The following IQCM variants were observed in gnomAD, a reference collection of about 807,000 sequenced individuals.
The protein encoded by IQCM is IQ domain-containing protein M.
Under a neutral mutation model 57.6 loss-of-function variants are expected in IQCM, and 45 were observed. The ratio of observed to expected loss-of-function variants is 0.78; its 90% confidence interval spans 0.62 to 1.00. IQCM has a LOEUF of 1.00. Ranked by LOEUF, IQCM falls within the 50% of genes least tolerant of loss-of-function variation. IQCM has a pLI of 0.00. For missense variants in IQCM, 468 were observed against 511.6 expected (o/e 0.91, Z 0.82); for synonymous variants, 148 against 158.9 (o/e 0.93, Z 0.51).
chr4:149,602,681 T>C (rs1365316157), intron 8 of IQCM, among the ~76,000 whole-genome samples: 1 of 152,098 alleles, frequency 6.6e-6, no homozygotes, highest in Non-Finnish European at 1.5e-5. Flanking sequence ...AAATTATTCA[T>C]GAAATAATGT....
chr4:149,597,242 G>C (rs1753860575), intron 8 of IQCM, among the ~76,000 whole-genome samples: 1 of 151,484 alleles, frequency 6.6e-6, no homozygotes, highest in Admixed American at 6.6e-5. Context: ...AAACTATGAG[G>C]GATAAAAAAA....
chr4:149,457,802 C>T (rs560654811), intron 12 of IQCM, among the ~76,000 whole-genome samples: 17 of 152,062 alleles, frequency 1.1e-4, no homozygotes, highest in African/African-American at 2.4e-4. Context: ...ATAGCAATCA[C>T]GCTCCCTTTT....
At chr4:149,578,964 C>T (rs774605346) in intron 9 of IQCM, among the ~76,000 whole-genome samples, 19 of 151,828 alleles carry the variant, frequency 1.3e-4, no homozygotes, top group Non-Finnish European at 2.4e-4. Flanking sequence ...TATTCACCCT[C>T]TTAATGTGTT....
intron 2 of IQCM, 86 bp from the exon 3 acceptor site, chr4:149,742,825 T>C (rs1767582741): frequency 5.4e-6 from 3 of 558,538 alleles, no homozygotes; most frequent in South Asian, 1.9e-4. Flanking sequence ...GTAAATAGGG[T>C]GAATGATTAA....
chr4:149,774,112 G>T (rs1770841335), intron 2 of IQCM, among the ~76,000 whole-genome samples: 1 of 151,814 alleles, frequency 6.6e-6, no homozygotes, highest in Non-Finnish European at 1.5e-5. Flanking sequence ...AAATCTCTAG[G>T]CTTCATTATT....
intron 12 of IQCM, among the ~76,000 whole-genome samples, chr4:149,483,355 A>G (rs948460017): frequency 1.3e-5 from 2 of 151,584 alleles, no homozygotes; most frequent in African/African-American, 4.8e-5. Flanking sequence ...TTAAAGGTAT[A>G]TTATTGGATA....
In IQCM at chr4:149,628,976, C is replaced by A. The variant is rs142250339; in HGVS notation, c.566-7732G>T. Among the ~76,000 whole-genome samples, 614 of 152,192 alleles carry A rather than the reference C, an allele frequency of 4.0e-3. 2 individuals are homozygous for A. Among genetic ancestry groups the A allele is most frequent in the African/African-American group, 0.014 (588 of 41,538 alleles). On this transcript the variant is annotated intron_variant, in intron 7 of 13. Coordinates refer to ENST00000636793, the MANE Select transcript of IQCM (RefSeq NM_001363507.2). ...TCCATGTGTAAAGGCTAGGAAAAAA[C>A]ACCATTATCAAATACACCAATGCTC...
chr4:149,604,044 C>G (rs375574175), intron 8 of IQCM, among the ~76,000 whole-genome samples: 1 of 151,876 alleles, frequency 6.6e-6, no homozygotes, highest in Middle Eastern at 3.2e-3. Context: ...CTCTGAAAAC[C>G]AAAAAAGTTT....
chr4:149,668,107 T>A (rs1579926857), intron 7 of IQCM, among the ~76,000 whole-genome samples: 1 of 151,878 alleles, frequency 6.6e-6, no homozygotes, highest in South Asian at 2.1e-4. Context: ...AGAAGAGCAA[T>A]CCCAAGACAC....
At chr4:149,443,714 GA>G (rs1560845169) in intron 12 of IQCM, among the ~76,000 whole-genome samples, 2 of 149,852 alleles carry the variant, frequency 1.3e-5, no homozygotes, top group African/African-American at 4.9e-5. Context: ...GAAAGGAAAG[GA>G]AAGGAAAGGA....
At chr4:149,602,035 CA>C (rs1236897737) in intron 8 of IQCM, among the ~76,000 whole-genome samples, 191 of 35,452 alleles carry the variant, frequency 5.4e-3, no homozygotes, top group South Asian at 0.022. Context: ...GCCTGGGCGA[CA>C]AAAAAAAAAA....
At chr4:149,399,595 C>A (rs1399624791) in intron 13 of IQCM, among the ~76,000 whole-genome samples, 1 of 151,870 alleles carries the variant, frequency 6.6e-6, no homozygotes, top group Non-Finnish European at 1.5e-5. Flanking sequence ...TTAAAAGTAC[C>A]ATTTCTTTGC....
At chr4:149,424,433 A>G (rs1168927469) in intron 13 of IQCM, among the ~76,000 whole-genome samples, 1 of 151,830 alleles carries the variant, frequency 6.6e-6, no homozygotes, top group East Asian at 1.9e-4. Flanking sequence ...GAATTTCAGA[A>G]TAATATTTTT....
chr4:149,485,983 G>C (rs968881129), intron 12 of IQCM, among the ~76,000 whole-genome samples: 1 of 146,938 alleles, frequency 6.8e-6, no homozygotes, highest in Non-Finnish European at 1.5e-5. Flanking sequence ...AGAGACTCTT[G>C]TTCACTTCCC....
At position 149,431,931 on chromosome 4, in the gene IQCM, TTA is replaced by T. The variant is rs370111091; in HGVS notation, c.1390+1463_1390+1464del. On this transcript the variant is annotated intron_variant, in intron 13 of 13. Coordinates refer to ENST00000636793, the MANE Select transcript of IQCM (RefSeq NM_001363507.2). ...TTTTGGCAACTTTGAATAATGTTGA[TTA>T]TATATATATATATATATGTGTATGT... 9.9e-4 allele frequency among the ~76,000 whole-genome samples: 145 copies of T among 146,386 alleles called. 1 individual carries two copies. The highest frequency in any genetic ancestry group is 1.7e-3 in the Admixed American group (25 of 14,492).
chr4:149,761,127 A>G (rs989689227), intron 2 of IQCM, among the ~76,000 whole-genome samples: 1 of 152,118 alleles, frequency 6.6e-6, no homozygotes. Context: ...CCAGCACGTG[A>G]AACTAAATAA....
rs538056232 is a variant in IQCM at position 149,634,352 on chromosome 4, T to C, written c.566-13108A>G. ...CCTGATATGCTAACATGAATGACCA[T>C]GGAGAATGAGAACTGCTAATCTCCA... On this transcript the variant is annotated intron_variant, in intron 7 of 13. Transcript: ENST00000636793. Among the ~76,000 whole-genome samples, 74 of 152,310 alleles carry C rather than the reference T, an allele frequency of 4.9e-4. 2 individuals carry two copies. In the South Asian group the frequency reaches 0.015, roughly 32 times the overall value.
chr4:149,607,971 A>G (rs917296566), intron 8 of IQCM, among the ~76,000 whole-genome samples: 1 of 152,094 alleles, frequency 6.6e-6, no homozygotes, highest in Non-Finnish European at 1.5e-5. Context: ...ATCAAAATAC[A>G]TAGAGCAGCT....
intron 13 of IQCM, among the ~76,000 whole-genome samples, chr4:149,355,445 T>C (rs1294242366): frequency 7.1e-6 from 1 of 140,058 alleles, no homozygotes; most frequent in African/African-American, 2.6e-5. Flanking sequence ...TTCCTGTGTC[T>C]ATGTGTTCTC....
Sources: gnomAD v4.1 joint callset for allele counts (sites outside exome capture counted in the v4.1 genomes callset) on GRCh38, gnomAD v4.1.1 for gene constraint, MANE v1.5 for transcripts, NCBI Gene and HGNC (gene_info 2026-07-23, HGNC 2026-07-21) for gene names.